POLR3A: variants seen among roughly 807,000 people sequenced by gnomAD.
POLR3A encodes the protein RNA polymerase III subunit A.
Under a neutral mutation model 152.8 loss-of-function variants are expected in POLR3A, and 112 were observed. The observed-to-expected ratio is 0.73, with a 90% confidence interval of 0.63 to 0.86. The LOEUF is 0.86. Among genes scored for constraint, POLR3A ranks in the 40% least tolerant of loss-of-function variants. The probability of loss-of-function intolerance (pLI) is 0.00; values close to 1 mark genes in which losing one functional copy is unlikely to be tolerated. For missense variants in POLR3A, 1,385 were observed against 1,743.1 expected (o/e 0.79, Z 3.66); for synonymous variants, 615 against 652.1 (o/e 0.94, Z 0.87).
At chr10:78,002,772 A>G (rs1339873956) in intron 16 of POLR3A, among the ~76,000 whole-genome samples, 1 of 152,176 alleles carries the variant, frequency 6.6e-6, no homozygotes, top group Non-Finnish European at 1.5e-5. Flanking sequence ...TCCTGGCCTC[A>G]AGGGATCTTC....
Position 78,010,560 on chromosome 10 carries a change from A to G in POLR3A, c.1573-20T>C, listed in dbSNP as rs1156463731. On this transcript the variant is annotated intron_variant, in intron 11 of 30. Coordinates refer to ENST00000372371, the MANE Select transcript of POLR3A (RefSeq NM_007055.4). ...TTTAGTCTGTAGGAAAAGTAAGCGC[A>G]GTCAGTTAGCTGTTCTCGGATGCAT... 8.1e-6 allele frequency: 13 copies of G among 1,598,828 alleles called. No homozygotes were observed. The highest frequency in any genetic ancestry group is 1.3e-5 in the African/African-American group (1 of 74,628).
chr10:77,997,629 A>C lies in POLR3A; in HGVS notation c.2616+2352T>G, dbSNP rs575833544. Among the ~76,000 whole-genome samples the C allele has an allele frequency of 1.5e-4, 23 of 152,244 alleles. No homozygotes were observed. The East Asian group carries it at 1.5e-3, about 10-fold the overall frequency. ...TGAAGGACCTCTTCAAGGAGAACTA[A>C]AAACCACTGCTCAATGAAATAAAAG... On this transcript the variant is annotated intron_variant, in intron 19 of 30. Coordinates refer to ENST00000372371, the MANE Select transcript of POLR3A (RefSeq NM_007055.4).
At chr10:78,017,941 AGATG>A in intron 9 of POLR3A, among the ~76,000 whole-genome samples, 1 of 152,194 alleles carries the variant, frequency 6.6e-6, no homozygotes, top group African/African-American at 2.4e-5. Flanking sequence ...TGGGAGGCTG[AGATG>A]GGCGGACTGC....
chr10:78,021,494 C>T lies in POLR3A; in HGVS notation c.1185+52G>A, dbSNP rs983856871. 240 of 1,598,012 alleles carry T rather than the reference C, an allele frequency of 1.5e-4. 1 individual carries two copies. Among genetic ancestry groups the T allele is most frequent in the Middle Eastern group, 1.0e-3 (6 of 6,028 alleles). ...TGTTGTTTGCAATACCAAAATATAA[C>T]GTAAAAGACTGAATTTAAAACAAAG... On this transcript the variant is annotated intron_variant, in intron 8 of 30. Transcript: ENST00000372371.
Position 78,002,269 on chromosome 10 carries a change from C to A in POLR3A, c.2287G>T (p.Ala763Ser). Residue 763 changes from alanine (A) to serine (S), a missense_variant, in exon 17 of 31, where the codon GCT becomes TCT. Physicochemically the swap from Ala to Ser is moderately conservative, Grantham distance 99. This residue lies in a region of POLR3A where 170 missense variants were observed against 231.2 expected (regional missense o/e 0.74). Coordinates refer to ENST00000372371, the MANE Select transcript of POLR3A (RefSeq NM_007055.4). ...AGCTCCCGGAGGCAGGCACTGCCAG[C>A]GTGGTCACGGATCACAGACAGCTCC... ...LKELSVIRDH[A>S]GSACLRELDK... 1 of 1,605,678 alleles carries A rather than the reference C, an allele frequency of 6.2e-7. No individual in the cohort carries two copies. Among genetic ancestry groups the A allele is most frequent in the Non-Finnish European group, 8.5e-7 (1 of 1,176,728 alleles).
chr10:77,983,906 A>C lies in POLR3A; in HGVS notation c.3429+14T>G. The C allele has an allele frequency of 3.3e-6, 5 of 1,534,764 alleles. No homozygotes were observed. The highest frequency in any genetic ancestry group is 4.5e-6 in the Non-Finnish European group (5 of 1,107,766). On this transcript the variant is annotated intron_variant, in intron 26 of 30. Coordinates refer to ENST00000372371, the MANE Select transcript of POLR3A (RefSeq NM_007055.4). The stretch of plus-strand genomic sequence containing the variant: ...CAGGATGACTTCCTCTCTACATTTA[A>C]TTATGTGACTCACTTCCAGTCTCAG...
At chr10:77,989,758 C>A (rs1029099250) in intron 21 of POLR3A, among the ~76,000 whole-genome samples, 9 of 152,244 alleles carry the variant, frequency 5.9e-5, no homozygotes, top group African/African-American at 2.2e-4. Context: ...CTTTCATAAC[C>A]TGTCTCAGTT....
intron 17 of POLR3A, 28 bp downstream of exon 17, chr10:78,002,169 C>A: frequency 7.1e-7 from 1 of 1,409,606 alleles, no homozygotes; most frequent in Non-Finnish European, 9.9e-7. Flanking sequence ...GAACACACTG[C>A]CAGCAGGTGA....
intron 30 of POLR3A, among the ~76,000 whole-genome samples, chr10:77,979,380 C>G: frequency 6.6e-6 from 1 of 152,158 alleles, no homozygotes; most frequent in East Asian, 1.9e-4. Flanking sequence ...GAACCCCAGC[C>G]CCTTACCAGC....
intron 19 of POLR3A, among the ~76,000 whole-genome samples, chr10:77,997,421 G>C (rs1431322330): frequency 1.2e-4 from 19 of 152,132 alleles, no homozygotes; most frequent in Non-Finnish European, 1.9e-4. Context: ...AATCGTTTCA[G>C]CCCAAAATCT....
intron 19 of POLR3A, among the ~76,000 whole-genome samples, chr10:77,996,270 A>T (rs12257027): frequency 0.13 from 19,283 of 152,086 alleles, 2,358 homozygotes; most frequent in African/African-American, 0.31. Flanking sequence ...GCAAGAGCAA[A>T]CACATTCAAA....
intron 15 of POLR3A, among the ~76,000 whole-genome samples, chr10:78,005,717 C>A (rs1412556033): frequency 6.6e-6 from 1 of 152,184 alleles, no homozygotes; most frequent in African/African-American, 2.4e-5. Flanking sequence ...AAGGAAGGCT[C>A]CAGGCCCTTA....
intron 19 of POLR3A, among the ~76,000 whole-genome samples, chr10:77,994,443 C>A (rs1445224794): frequency 6.6e-6 from 1 of 151,212 alleles, no homozygotes; most frequent in Non-Finnish European, 1.5e-5. Context: ...GTTCATGGCC[C>A]AGCAACTTGT....
At chr10:78,009,314 A>C (rs1324711389) in intron 14 of POLR3A, among the ~76,000 whole-genome samples, 2 of 152,182 alleles carry the variant, frequency 1.3e-5, no homozygotes, top group Non-Finnish European at 2.9e-5. Flanking sequence ...CATTCTAACC[A>C]CTGCGTCATG....
At chr10:78,020,702 G>A (rs530312459) in intron 8 of POLR3A, among the ~76,000 whole-genome samples, 3 of 151,962 alleles carry the variant, frequency 2.0e-5, no homozygotes, top group Non-Finnish European at 2.9e-5. Flanking sequence ...GCAGGAGAAT[G>A]GCGTGAACCT....
chr10:78,019,128 G>T (rs368571369), intron 9 of POLR3A, 34 bp downstream of exon 9: 5 of 1,399,292 alleles, frequency 3.6e-6, no homozygotes, highest in Non-Finnish European at 5.1e-6. Context: ...CCATGAGAAA[G>T]TAGTTAAATC....
Position 77,991,035 on chromosome 10 carries a change from A to T in POLR3A, c.2901+19T>A. ...GACAGCCAGGCTGGGTGCAGTAGCC[A>T]GCACCTGGCAGAGCTCACCTGCAGG... is the stretch of plus-strand genomic sequence containing the variant. On this transcript the variant is annotated intron_variant, in intron 21 of 30. Coordinates refer to ENST00000372371, the MANE Select transcript of POLR3A (RefSeq NM_007055.4). The T allele has an allele frequency of 7.2e-7, 1 of 1,392,730 alleles. No homozygotes were observed. Among genetic ancestry groups the T allele is most frequent in the Non-Finnish European group, 1.0e-6 (1 of 978,872 alleles). 86.3% of individuals were successfully genotyped at this position (1,392,730 alleles called of 1,614,324 possible). A position where few individuals can be genotyped will look rare whatever the true frequency, so the allele number is the denominator to read the frequency against.
At chr10:77,990,617 ATTTT>A (rs751268930) in intron 21 of POLR3A, among the ~76,000 whole-genome samples, 1 of 138,072 alleles carries the variant, frequency 7.2e-6, no homozygotes, top group Non-Finnish European at 1.6e-5. Context: ...ACTGCCTGTC[ATTTT>A]TTTTTTTTTT....
chr10:77,993,404 G>GAAGA (rs764702093), intron 19 of POLR3A, 37 bp from the exon 20 acceptor site: 1 of 1,532,890 alleles, frequency 6.5e-7, no homozygotes, highest in Non-Finnish European at 9.0e-7. Flanking sequence ...GCTGCTTTGA[G>GAAGA]AAGACTAGTC....
Sources: gnomAD v4.1 joint callset for allele counts (sites outside exome capture counted in the v4.1 genomes callset) on GRCh38, gnomAD v4.1.1 for gene constraint, gnomAD v4.1.1 regional missense constraint, MANE v1.5 for transcripts, NCBI Gene and HGNC (gene_info 2026-07-23, HGNC 2026-07-21) for gene names.